Variants in KALRN observed in about 807,000 individuals in gnomAD.
KALRN encodes kalirin RhoGEF kinase.
Under a neutral mutation model 353.7 loss-of-function variants are expected in KALRN, and 70 were observed. The observed-to-expected ratio is 0.20, with a 90% confidence interval of 0.16 to 0.24. The LOEUF is 0.24. KALRN is among the 10% of genes least tolerant of loss of function. The pLI is 1.00. For missense variants in KALRN, 2,791 were observed against 3,756.7 expected, an observed-to-expected ratio of 0.74 and a Z score of 6.72; for synonymous variants, 1,391 against 1,434.8, an observed-to-expected ratio of 0.97 and a Z score of 0.69.
At chr3:124,386,084 T>G (rs928342702) in intron 11 of KALRN, among the ~76,000 whole-genome samples, 2 of 152,190 alleles carry the variant, frequency 1.3e-5, no homozygotes, top group African/African-American at 4.8e-5. Flanking sequence ...GCAGCGCCTG[T>G]CAGAGAAAAA....
In KALRN at chr3:124,701,466, C is replaced by T. The variant is rs1472647808; in HGVS notation, c.7997-572C>T. Among the ~76,000 whole-genome samples, 3 of 147,860 alleles carry T rather than the reference C, an allele frequency of 2.0e-5. No individual in the cohort carries two copies. The East Asian group carries it at 6.0e-4, about 29-fold the overall frequency. On this transcript the variant is annotated intron_variant, in intron 56 of 59. Transcript: ENST00000682506. ...GCAGTGGCGCGATCATAGCTCATTG[C>T]AGCCTCGACCTCCTGAGCTCAAGTG...
chr3:124,353,500 A>T (rs2083055855), intron 10 of KALRN, among the ~76,000 whole-genome samples: 1 of 152,192 alleles, frequency 6.6e-6, no homozygotes, highest in Non-Finnish European at 1.5e-5. Context: ...AAATTCTGTG[A>T]CAAGAAAAGA....
chr3:124,717,168 T>C lies in KALRN; in HGVS notation c.8277-79T>C. On this transcript the variant is annotated intron_variant, in intron 58 of 59. Coordinates refer to ENST00000682506, the MANE Select transcript of KALRN (RefSeq NM_001388419.1). ...ATAAGTATGAGAGAGTTTAGAGATC[T>C]TACTGATTTGTACATGTGTTATTTT... 4 of 1,355,380 alleles carry C rather than the reference T, an allele frequency of 3.0e-6. No homozygotes were observed. The South Asian group carries it at 6.1e-5, about 21-fold the overall frequency. The allele number at this position is 1,355,380 out of a possible 1,614,324, so 84.0% of individuals were successfully genotyped here. A position where few individuals can be genotyped will look rare whatever the true frequency, so the allele number is the denominator to read the frequency against.
At position 124,562,820 on chromosome 3, in the gene KALRN, C is replaced by T. The variant is rs769399368; in HGVS notation, c.4936-23C>T. 3.0e-6 allele frequency: 4 copies of T among 1,337,934 alleles called. No homozygotes were observed. The African/African-American group carries it at 6.0e-5, about 20-fold the overall frequency. The allele number at this position is 1,337,934 out of a possible 1,614,324, so 82.9% of individuals were successfully genotyped here. A position where few individuals can be genotyped will look rare whatever the true frequency, so the allele number is the denominator to read the frequency against. ...TTCCTCCATGCCCTCCTGTTCTACT[C>T]CCTCCACCACCACCCTCCAAAGCTC... On this transcript the variant is annotated intron_variant, in intron 33 of 59. Transcript: ENST00000682506.
intron 6 of KALRN, among the ~76,000 whole-genome samples, chr3:124,312,060 G>C (rs149582999): frequency 5.9e-5 from 9 of 152,162 alleles, no homozygotes; most frequent in Non-Finnish European, 7.3e-5. Context: ...CAATGAAAAT[G>C]TTCTAAAATT....
chr3:124,637,012 A>G, intron 36 of KALRN, 196 bp from the exon 37 acceptor site: 1 of 562,690 alleles, frequency 1.8e-6, no homozygotes, highest in South Asian at 2.0e-5. Context: ...GCTGCTGGCT[A>G]GAATTCCTAA....
At chr3:124,172,663 G>A (rs1005101208) in intron 1 of KALRN, among the ~76,000 whole-genome samples, 1 of 151,988 alleles carries the variant, frequency 6.6e-6, no homozygotes, top group African/African-American at 2.4e-5. Context: ...GGCGCCCCTG[G>A]AACATAGAGA....
At chr3:124,494,723 G>A (rs974956018) in intron 32 of KALRN, among the ~76,000 whole-genome samples, 2 of 152,288 alleles carry the variant, frequency 1.3e-5, no homozygotes, top group East Asian at 1.9e-4. Flanking sequence ...ACATGCATGG[G>A]TACTTGCATA....
intron 1 of KALRN, among the ~76,000 whole-genome samples, chr3:124,116,392 T>C (rs1408328958): frequency 6.6e-6 from 1 of 152,260 alleles, no homozygotes; most frequent in Admixed American, 6.5e-5. Flanking sequence ...CTGTCCTAAG[T>C]GCTTATCTCA....
chr3:124,391,348 G>A (rs1271915522), intron 11 of KALRN, among the ~76,000 whole-genome samples: 13 of 152,170 alleles, frequency 8.5e-5, no homozygotes, highest in Admixed American at 8.5e-4. Flanking sequence ...CCAAGGGAGA[G>A]AAACCAACGT....
At chr3:124,123,158 C>G (rs1278024679) in intron 1 of KALRN, among the ~76,000 whole-genome samples, 3 of 149,810 alleles carry the variant, frequency 2.0e-5, no homozygotes, top group Non-Finnish European at 3.0e-5. Context: ...CGAGATTGCG[C>G]CACTGCACTC....
intron 34 of KALRN, among the ~76,000 whole-genome samples, chr3:124,620,132 A>C (rs2079108212): frequency 6.6e-6 from 1 of 151,868 alleles, no homozygotes; most frequent in Non-Finnish European, 1.5e-5. Context: ...CAGAGGTCTC[A>C]CTGTGTTGCA....
At position 124,169,267 on chromosome 3, in the gene KALRN, A is replaced by G. The variant is rs774404130; in HGVS notation, c.74-58723A>G. Among the ~76,000 whole-genome samples, 52 of 152,086 alleles carry G rather than the reference A, an allele frequency of 3.4e-4. 2 individuals carry two copies. Among genetic ancestry groups the G allele is most frequent in the Non-Finnish European group, 2.9e-5 (2 of 68,018 alleles). On this transcript the variant is annotated intron_variant, in intron 1 of 59. Transcript: ENST00000682506. ...ATGGTGGAGTGACTATGGAGAGTCC[A>G]TGCTTAAAGAATGGAAACCACTGCA...
intron 25 of KALRN, among the ~76,000 whole-genome samples, chr3:124,474,427 A>G (rs1289374814): frequency 7.0e-6 from 1 of 143,302 alleles, no homozygotes; most frequent in Non-Finnish European, 1.5e-5. Context: ...TCACTTCTAG[A>G]AGTGTTCACT....
chr3:124,049,180 A>G (rs1304624105), intron 1 of KALRN, among the ~76,000 whole-genome samples: 3 of 152,242 alleles, frequency 2.0e-5, no homozygotes, highest in African/African-American at 7.2e-5. Context: ...TTAGCCAAAA[A>G]AGCCGCATCT....
chr3:124,446,202 C>A lies in KALRN; in HGVS notation c.3355C>A (p.His1119Asn). ...ELLQRENRVL[H>N]FWTLKKRRLD... Reference sequence around the variant, plus strand: ...CCTGCAGAGGGAGAATCGCGTGCTGCATTTCTGGACCTTGAAGAAGCGGCG... The same window carrying A: ...CCTGCAGAGGGAGAATCGCGTGCTGAATTTCTGGACCTTGAAGAAGCGGCG... Residue 1119 changes from histidine to asparagine, a missense_variant, in exon 20 of 60, where the codon CAT (histidine) becomes AAT (asparagine). Physicochemically the swap from His to Asn is moderately conservative, Grantham distance 68. Coordinates refer to ENST00000682506, the MANE Select transcript of KALRN (RefSeq NM_001388419.1). 6.2e-7 allele frequency: 1 copy of A among 1,614,132 alleles called. No individual in the cohort carries two copies.
Position 124,438,899 on chromosome 3 carries a change from C to T in KALRN, c.3060C>T (p.Val1020=). 6.2e-7 allele frequency: 1 copy of T among 1,613,724 alleles called. No individual in the cohort carries two copies. Among genetic ancestry groups the T allele is most frequent in the Non-Finnish European group, 8.5e-7 (1 of 1,179,820 alleles). Reference sequence around the variant, plus strand: ...CCATGATTCACTAGGTGTGTAGTGTCCTGGAGAGCTTAGAGCAAGAATACC... The same window carrying T: ...CCATGATTCACTAGGTGTGTAGTGTTCTGGAGAGCTTAGAGCAAGAATACC... ...FYKTSEQVCS[V]LESLEQEYRR... is the part of the protein sequence containing the mutation. The change falls in exon 18 of 60, where the codon GTC becomes GTT. Residue 1020 remains valine (V), a synonymous_variant. Transcript: ENST00000682506.
chr3:124,679,587 C>A, intron 51 of KALRN, 70 bp downstream of exon 51: 1 of 1,309,410 alleles, frequency 7.6e-7, no homozygotes, highest in South Asian at 1.2e-5. Context: ...TAACAGTGAC[C>A]TTGCTAAAAT....
At chr3:124,483,408 C>T (rs950255245) in intron 28 of KALRN, among the ~76,000 whole-genome samples, 6 of 152,084 alleles carry the variant, frequency 3.9e-5, no homozygotes, top group Non-Finnish European at 8.8e-5. Context: ...AAAAATTAGC[C>T]AGGCATGGTG....
Sources: allele counts gnomAD v4.1 joint callset (sites outside exome capture counted in the v4.1 genomes callset), GRCh38; gene constraint gnomAD v4.1.1; transcripts MANE v1.5; gene names NCBI Gene and HGNC (gene_info 2026-07-23, HGNC 2026-07-21).